Variants in MKLN1 observed in about 807,000 individuals in gnomAD.
MKLN1 encodes the protein muskelin.
In MKLN1, 18 loss-of-function variants were observed where a neutral mutation model predicts 99.0. The ratio of observed to expected loss-of-function variants is 0.18; its 90% CI spans 0.13 to 0.27. The LOEUF is 0.27. Among genes scored for constraint, MKLN1 ranks in the 10% least tolerant of loss-of-function variants. The pLI, the probability that MKLN1 is intolerant of heterozygous loss-of-function variation, is 1.00. For synonymous variants in MKLN1, 288 were observed against 293.2 expected (o/e 0.98, Z 0.18); for missense variants, 621 against 875.9 (o/e 0.71, Z 3.67).
rs562295036 is a variant in MKLN1, at chr7:131,149,213, G to T, written c.-297+6272G>T. 3.3e-5 allele frequency among the ~76,000 whole-genome samples: 5 copies of T among 152,224 alleles called. No individual in the cohort carries two copies. The South Asian group carries it at 8.3e-4, about 25-fold the overall frequency. ...CTATTTTCTTGGCTTCAGTTCCTTGGAAACGTTTGTTTTGATGGTGGCAGG... is the reference window on the plus strand; with the variant it reads ...CTATTTTCTTGGCTTCAGTTCCTTGTAAACGTTTGTTTTGATGGTGGCAGG... On this transcript the variant is annotated intron_variant, in intron 2 of 7. Transcript: ENST00000416992.
chr7:131,378,247 G>T (rs927276148), intron 2 of MKLN1, among the ~76,000 whole-genome samples: 3 of 152,154 alleles, frequency 2.0e-5, no homozygotes, highest in African/African-American at 7.2e-5. Flanking sequence ...GAGTAGCTGG[G>T]ATTATAGGCG....
chr7:131,484,030 CAT>C (rs140854177), intron 17 of MKLN1, among the ~76,000 whole-genome samples: 10,103 of 152,026 alleles, frequency 0.066, 408 homozygotes, highest in East Asian at 0.19. Context: ...AATGTAAAAA[CAT>C]ATTCTGCAGC....
intron 1 of MKLN1, among the ~76,000 whole-genome samples, chr7:131,329,778 C>T (rs1433822102): frequency 6.6e-6 from 1 of 152,110 alleles, no homozygotes; most frequent in Admixed American, 6.5e-5. Context: ...TACTCTGGCC[C>T]CTGGTTTGCA....
chr7:131,320,733 G>GA (rs537810947), intron 3 of MKLN1, among the ~76,000 whole-genome samples: 2 of 151,466 alleles, frequency 1.3e-5, no homozygotes, highest in East Asian at 1.9e-4. Context: ...AAATTTTCAA[G>GA]AAAAAAAACA....
At chr7:131,114,938 GAA>G (rs762049373) in intron 1 of MKLN1, among the ~76,000 whole-genome samples, 5 of 121,062 alleles carry the variant, frequency 4.1e-5, no homozygotes, top group Non-Finnish European at 8.9e-5. Context: ...TCTGTCTCAA[GAA>G]AAAAAAAAAA....
Position 131,487,269 on chromosome 7 carries a change from A to T in MKLN1, c.2087-338A>T, listed in dbSNP as rs1797307897. 1.3e-5 allele frequency among the ~76,000 whole-genome samples: 2 copies of T among 152,176 alleles called. No individual in the cohort carries two copies. The highest frequency in any genetic ancestry group is 4.8e-5 in the African/African-American group (2 of 41,444). On this transcript the variant is annotated intron_variant, in intron 17 of 17. Coordinates refer to ENST00000352689, the MANE Select transcript of MKLN1 (RefSeq NM_013255.5). The surrounding 1 kb of genome is among the most constrained non-coding windows in gnomAD (Gnocchi z 4.7). Reference sequence around the variant, plus strand: ...AGAGAAAAGACCTAATAAGGAAAAAAAGAGAGATCAGTATTATTTGTAACT... The same window carrying T: ...AGAGAAAAGACCTAATAAGGAAAAATAGAGAGATCAGTATTATTTGTAACT...
chr7:131,274,667 T>C (rs904271881), intron 3 of MKLN1, among the ~76,000 whole-genome samples: 3 of 136,484 alleles, frequency 2.2e-5, no homozygotes, highest in Non-Finnish European at 3.1e-5. Context: ...AAAAAAAAGA[T>C]GAGAGATGAG....
chr7:131,404,720 C>A (rs1322181990), intron 6 of MKLN1, among the ~76,000 whole-genome samples: 1 of 151,826 alleles, frequency 6.6e-6, no homozygotes, highest in East Asian at 1.9e-4. Flanking sequence ...ATCCTCTTAC[C>A]AAGCCTCCCA....
At chr7:131,430,462 A>T (rs551110551) in intron 9 of MKLN1, among the ~76,000 whole-genome samples, 14 of 149,170 alleles carry the variant, frequency 9.4e-5, no homozygotes, top group South Asian at 2.1e-4. Flanking sequence ...ATCTTAAATT[A>T]AAAAAAAAAC....
At chr7:131,299,058 T>G (rs1429665322) in intron 3 of MKLN1, among the ~76,000 whole-genome samples, 1 of 152,108 alleles carries the variant, frequency 6.6e-6, no homozygotes, top group Non-Finnish European at 1.5e-5. Flanking sequence ...ATTAGATGAG[T>G]GCACAAATTT....
chr7:131,200,770 AATCATATTTTTCCACTGACGTGTTC>A (rs1287587491), intron 2 of MKLN1, among the ~76,000 whole-genome samples: 1 of 152,258 alleles, frequency 6.6e-6, no homozygotes, highest in East Asian at 1.9e-4. Flanking sequence ...TAGTAAATTA[AATCATATTTTTCCACTGACGTGTTC>A]TAATTTAAAG....
At chr7:131,466,157 T>C (rs1282113200) in intron 14 of MKLN1, 119 bp from the exon 15 acceptor site, 5 of 654,796 alleles carry the variant, frequency 7.6e-6, no homozygotes, top group Non-Finnish European at 1.2e-5. Context: ...AAAAATGCAG[T>C]ATAATTTTTA....
intron 2 of MKLN1, among the ~76,000 whole-genome samples, chr7:131,162,438 A>G (rs1325301820): frequency 6.6e-6 from 1 of 152,236 alleles, no homozygotes; most frequent in Non-Finnish European, 1.5e-5. Context: ...AATGAGCGTC[A>G]GGAATGATGT....
upstream of MKLN1, among the ~76,000 whole-genome samples, chr7:131,322,915 C>T (rs569394396): frequency 2.3e-4 from 35 of 152,288 alleles, no homozygotes; most frequent in South Asian, 6.8e-3. Flanking sequence ...GAACTCCCTC[C>T]CTATCATGAA....
intron 12 of MKLN1, among the ~76,000 whole-genome samples, chr7:131,449,962 A>G (rs1307593361): frequency 6.6e-6 from 1 of 152,098 alleles, no homozygotes; most frequent in African/African-American, 2.4e-5. Flanking sequence ...TCTAGTTTCG[A>G]CTGGTGTTAC....
chr7:131,178,462 A>C (rs1796333822), intron 2 of MKLN1, among the ~76,000 whole-genome samples: 1 of 151,710 alleles, frequency 6.6e-6, no homozygotes, highest in South Asian at 2.1e-4. Context: ...ACAAAAGGAG[A>C]TGGAAAAATT....
At chr7:131,322,239 G>C (rs1029889703) in intron 3 of MKLN1, among the ~76,000 whole-genome samples, 1 of 152,110 alleles carries the variant, frequency 6.6e-6, no homozygotes, top group African/African-American at 2.4e-5. Context: ...ATTTTATCTT[G>C]TCTTAGATCT....
chr7:131,478,420 A>T (rs1015384898), intron 16 of MKLN1: 2 of 434,770 alleles, frequency 4.6e-6, no homozygotes, highest in African/African-American at 2.0e-5. Context: ...TTAGAAAATG[A>T]TAATAGCCTA....
intron 3 of MKLN1, among the ~76,000 whole-genome samples, chr7:131,248,670 T>A (rs1020177451): frequency 6.6e-6 from 1 of 152,230 alleles, no homozygotes; most frequent in African/African-American, 2.4e-5. Context: ...CCATTTTTTT[T>A]CTCATCTCGT....
Sources: allele counts gnomAD v4.1 joint callset (sites outside exome capture counted in the v4.1 genomes callset), GRCh38; gene constraint gnomAD v4.1.1; non-coding constraint Gnocchi (gnomAD v3.1); transcripts MANE v1.5; gene names NCBI Gene and HGNC (gene_info 2026-07-23, HGNC 2026-07-21).